TEX36: variants seen among roughly 807,000 people sequenced by gnomAD.
The protein encoded by TEX36 is testis-expressed protein 36.
Under a neutral mutation model 13.6 loss-of-function variants are expected in TEX36, and 12 were observed. The observed-to-expected ratio is 0.88, with a 90% CI of 0.56 to 1.43. The LOEUF (loss-of-function observed/expected upper bound fraction) is 1.43, where lower values mean the gene tolerates loss of function less well. Among genes scored for constraint, TEX36 ranks in the 40% most tolerant of loss-of-function variants. The pLI, the probability that TEX36 is intolerant of heterozygous loss-of-function variation, is 0.00. For synonymous variants in TEX36, 93 were observed against 83.0 expected (o/e 1.12, Z -0.65); for missense variants, 224 against 228.3 (o/e 0.98, Z 0.12).
intron 3 of TEX36, among the ~76,000 whole-genome samples, chr10:125,591,001 C>T (rs151274560): frequency 0.034 from 5,222 of 152,226 alleles, 210 homozygotes; most frequent in Non-Finnish European, 0.042. Flanking sequence ...AAAGGTGAAT[C>T]GTCTCACAAC....
At chr10:125,618,942 T>TAAAAAAAAAAAAAAAAAAAAA (rs11452140), downstream of TEX36, among the ~76,000 whole-genome samples, 29 of 43,576 alleles carry the variant, frequency 6.7e-4, 2 homozygotes, top group African/African-American at 2.4e-3. Flanking sequence ...CCGTCTCTAC[T>TAAAAAAAAAAAAAAAAAAAAA]AAAAAAAAAA....
chr10:125,647,633 C>G (rs1024206491), intron 3 of TEX36, among the ~76,000 whole-genome samples: 1 of 152,226 alleles, frequency 6.6e-6, no homozygotes, highest in Non-Finnish European at 1.5e-5. Flanking sequence ...TTCTACATTT[C>G]CAACTGAGTT....
At chr10:125,657,352 G>A (rs1380066462) in intron 3 of TEX36, among the ~76,000 whole-genome samples, 2 of 152,156 alleles carry the variant, frequency 1.3e-5, no homozygotes, top group East Asian at 3.9e-4. Flanking sequence ...GGGGACTGGG[G>A]AGGGATGTAC....
downstream of TEX36, among the ~76,000 whole-genome samples, chr10:125,618,180 ACATT>A (rs1252220598): frequency 2.0e-5 from 3 of 152,026 alleles, no homozygotes; most frequent in Non-Finnish European, 4.4e-5. Context: ...TTCTAGTTAT[ACATT>A]CTTCTAAATT....
chr10:125,584,959 C>T (rs137859858), intron 3 of TEX36, among the ~76,000 whole-genome samples: 1 of 152,220 alleles, frequency 6.6e-6, no homozygotes, highest in South Asian at 2.1e-4. Context: ...TAGTCTTCAA[C>T]ATCATTTTAA....
At chr10:125,668,032 G>A in intron 1 of TEX36, 3 of 665,674 alleles carry the variant, frequency 4.5e-6, no homozygotes, top group Non-Finnish European at 8.1e-6. Context: ...GTTGTCAACA[G>A]AAATAAATCT....
chr10:125,682,065 T>G (rs1847404250), intron 1 of TEX36, among the ~76,000 whole-genome samples: 1 of 152,264 alleles, frequency 6.6e-6, no homozygotes, highest in South Asian at 2.1e-4. Context: ...CAGGTTTTTC[T>G]CTGATTATGT....
chr10:125,681,366 C>T (rs944228913), intron 1 of TEX36, among the ~76,000 whole-genome samples: 4 of 152,224 alleles, frequency 2.6e-5, no homozygotes, highest in Admixed American at 1.3e-4. Context: ...CTATAAAATT[C>T]AGGCTAACAA....
chr10:125,632,284 A>G (rs1846566784), intron 3 of TEX36, among the ~76,000 whole-genome samples: 1 of 152,136 alleles, frequency 6.6e-6, no homozygotes. Context: ...TCCAGGGAGC[A>G]AGTCCAGCAG....
At chr10:125,666,912 G>T in intron 1 of TEX36, 1 of 511,048 alleles carries the variant, frequency 2.0e-6, no homozygotes. Context: ...GGACTCTCTA[G>T]CAGCAGCCCC....
intron 3 of TEX36, among the ~76,000 whole-genome samples, chr10:125,579,971 G>C (rs1052927358): frequency 2.6e-5 from 4 of 152,180 alleles, no homozygotes; most frequent in Admixed American, 2.6e-4. Flanking sequence ...TTTGAAGTAA[G>C]CTTCTTGAAA....
chr10:125,605,005 C>T (rs1016922233), intron 3 of TEX36, among the ~76,000 whole-genome samples: 29 of 152,056 alleles, frequency 1.9e-4, no homozygotes, highest in African/African-American at 6.8e-4. Context: ...ATAAATGGAA[C>T]GTGCTTGAAT....
chr10:125,600,810 G>A (rs1409951309), intron 3 of TEX36, among the ~76,000 whole-genome samples: 23 of 152,196 alleles, frequency 1.5e-4, no homozygotes, highest in Admixed American at 1.5e-3. Context: ...AGTGTTTCAA[G>A]GGTACATGGA....
At chr10:125,591,494 CCACACA>C (rs1487077976) in intron 3 of TEX36, among the ~76,000 whole-genome samples, 6 of 152,202 alleles carry the variant, frequency 3.9e-5, no homozygotes, top group Non-Finnish European at 8.8e-5. Flanking sequence ...CTGGCAGGAT[CCACACA>C]CTATCCTCCT....
In TEX36 at chr10:125,622,216, C is replaced by T. The variant is rs533886760; in HGVS notation, c.265-571G>A. Among the ~76,000 whole-genome samples the T allele has an allele frequency of 7.9e-5, 12 of 152,288 alleles. No individual in the cohort carries two copies. The East Asian group carries it at 9.6e-4, about 12-fold the overall frequency. ...TGCCTAACATAATACAGCTATCCTT[C>T]GTACAACAAGAAGCACACTAATCCT... On this transcript the variant is annotated intron_variant, in intron 3 of 3. Coordinates refer to the TEX36 transcript ENST00000526819.
At chr10:125,641,932 C>T (rs1846698688) in intron 3 of TEX36, among the ~76,000 whole-genome samples, 1 of 152,162 alleles carries the variant, frequency 6.6e-6, no homozygotes, top group African/African-American at 2.4e-5. Context: ...TTAAGAAAGA[C>T]TGGTTTTAAG....
chr10:125,621,338 A>G (rs867710120), downstream of TEX36, among the ~76,000 whole-genome samples: 3 of 151,360 alleles, frequency 2.0e-5, no homozygotes, highest in Middle Eastern at 3.5e-3. Flanking sequence ...CAATTTCTCC[A>G]CATCCTCACC....
Position 125,612,089 on chromosome 10 carries a change from CTTTTTT to C in TEX36, c.265-35221_265-35216del, listed in dbSNP as rs1221864951. Among the ~76,000 whole-genome samples, 252 of 136,792 alleles carry C rather than the reference CTTTTTT, an allele frequency of 1.8e-3. 4 individuals are homozygous for C. Among genetic ancestry groups the C allele is most frequent in the African/African-American group, 6.7e-3 (248 of 37,080 alleles). 89.7% of individuals were successfully genotyped at this position (136,792 alleles called of 152,430 possible). Reference sequence around the variant, plus strand: ...TTCTTTTCTTTTTCTTTTTCTTTTTCTTTTTTTTTTTTTTCAGACAGAGTCTTGCTC... The same window carrying C: ...TTCTTTTCTTTTTCTTTTTCTTTTTCTTTTTTTTCAGACAGAGTCTTGCTC... On this transcript the variant is annotated intron_variant, in intron 3 of 3. Coordinates refer to the TEX36 transcript ENST00000532135.
At chr10:125,597,801 C>T (rs1228470952) in intron 3 of TEX36, among the ~76,000 whole-genome samples, 1 of 152,162 alleles carries the variant, frequency 6.6e-6, no homozygotes, top group East Asian at 1.9e-4. Context: ...CAATGGTTGG[C>T]ATTTTCCATT....
Sources: gnomAD v4.1 joint callset for allele counts (sites outside exome capture counted in the v4.1 genomes callset) on GRCh38, gnomAD v4.1.1 for gene constraint, MANE v1.5 for transcripts, NCBI Gene and HGNC (gene_info 2026-07-23, HGNC 2026-07-21) for gene names.